The following NUP85 variants were observed in gnomAD, a reference collection of about 807,000 sequenced individuals.
The protein encoded by NUP85 is nuclear pore complex protein Nup85.
In NUP85, 23 loss-of-function variants were observed where a neutral mutation model predicts 92.8. That is an observed-to-expected ratio of 0.25 (90% CI 0.18 to 0.35). The LOEUF is 0.35. Ranked by LOEUF, NUP85 falls within the 10% of genes least tolerant of loss-of-function variation. NUP85 has a pLI of 1.00. For synonymous variants in NUP85, 314 were observed against 306.9 expected (o/e 1.02, Z -0.24); for missense variants, 759 against 822.8 (o/e 0.92, Z 0.95).
At chr17:75,234,976 A>G (rs1479365982) in intron 17 of NUP85, 124 bp from the exon 18 acceptor site, 2 of 1,029,946 alleles carry the variant, frequency 1.9e-6, no homozygotes, top group Non-Finnish European at 1.5e-6. Flanking sequence ...GAAATGAGGT[A>G]TTCGTATACA....
intron 4 of NUP85, 63 bp downstream of exon 4, chr17:75,212,125 T>C (rs1411607784): frequency 7.6e-6 from 9 of 1,187,736 alleles, no homozygotes; most frequent in Middle Eastern, 3.8e-4. Flanking sequence ...TTTTGAGTAT[T>C]TATCTATGCA....
At chr17:75,212,087 C>CGTGTGT (rs555503834) in intron 4 of NUP85, 25 bp downstream of exon 4, 9 of 1,203,308 alleles carry the variant, frequency 7.5e-6, no homozygotes, top group Middle Eastern at 1.9e-4. Flanking sequence ...CGCGTGCGCG[C>CGTGTGT]GTGTGTGTGT....
Position 75,226,080 on chromosome 17 carries a change from G to C in NUP85, c.1017G>C (p.Glu339Asp). 3 of 1,614,118 alleles carry C rather than the reference G, an allele frequency of 1.9e-6. No individual in the cohort carries two copies. Among genetic ancestry groups the C allele is most frequent in the Non-Finnish European group, 2.5e-6 (3 of 1,180,010 alleles). ...GCCTGGACCTGTTTCTGGGAGGTGA[G>C]AGCAGCCCAGAACCCCTGGACAACA... is the stretch of plus-strand genomic sequence containing the variant. ...QSSLDLFLGG[E>D]SSPEPLDNIL... The change falls in exon 11 of 19, where the codon GAG becomes GAC. Residue 339 changes from glutamate to aspartate, a missense_variant. By Grantham distance (45) the Glu-to-Asp change is conservative. Transcript: ENST00000245544.
At chr17:75,213,884 T>G (rs1177141555) in intron 5 of NUP85, among the ~76,000 whole-genome samples, 206 of 150,200 alleles carry the variant, frequency 1.4e-3, no homozygotes, top group Middle Eastern at 6.9e-3. Context: ...TTTTTTTTTT[T>G]TTTTTGAGAC....
chr17:75,226,122 T>C lies in NUP85; in HGVS notation c.1059T>C (p.Phe353=). 1 of 1,614,094 alleles carries C rather than the reference T, an allele frequency of 6.2e-7. No individual in the cohort carries two copies. The highest frequency in any genetic ancestry group is 8.5e-7 in the Non-Finnish European group (1 of 1,180,016). ...EPLDNILLAA[F]EFDIHQVIKE... is the part of the protein sequence containing the mutation. ...TGGACAACATCTTGTTGGCAGCCTTTGAGTTTGACATCCATCAAGTAATCA... is the reference window on the plus strand; with the variant it reads ...TGGACAACATCTTGTTGGCAGCCTTCGAGTTTGACATCCATCAAGTAATCA... Residue 353 remains phenylalanine (F), a synonymous_variant, in exon 11 of 19, where the codon TTT becomes TTC. Transcript: ENST00000245544.
chr17:75,212,340 G>T (rs1448449421), intron 4 of NUP85, among the ~76,000 whole-genome samples: 4 of 135,906 alleles, frequency 2.9e-5, no homozygotes, highest in African/African-American at 8.4e-5. Flanking sequence ...ATGAACTCAG[G>T]TCACTGCAAC....
chr17:75,206,315 T>A (rs375636876), intron 1 of NUP85, among the ~76,000 whole-genome samples: 10 of 152,136 alleles, frequency 6.6e-5, no homozygotes, highest in South Asian at 4.1e-4. Flanking sequence ...ATTCACGCGC[T>A]TTATGTACGA....
At chr17:75,213,237 C>T in intron 5 of NUP85, 118 bp downstream of exon 5, 1 of 820,036 alleles carries the variant, frequency 1.2e-6, no homozygotes, top group South Asian at 1.5e-5. Context: ...GGTAGATAGG[C>T]AGCTCCTTTG....
chr17:75,226,548 C>T (rs1025915040), intron 11 of NUP85, among the ~76,000 whole-genome samples: 2 of 152,062 alleles, frequency 1.3e-5, no homozygotes, highest in Non-Finnish European at 2.9e-5. Context: ...ACCTCCTGGC[C>T]TAATCACCTC....
chr17:75,217,581 C>T (rs2145307935), intron 6 of NUP85, among the ~76,000 whole-genome samples: 1 of 152,198 alleles, frequency 6.6e-6, no homozygotes, highest in East Asian at 1.9e-4. Flanking sequence ...GCGATCTTGG[C>T]TCACTGCAAC....
chr17:75,223,228 A>G (rs1320774835), intron 7 of NUP85, among the ~76,000 whole-genome samples: 1 of 152,150 alleles, frequency 6.6e-6, no homozygotes, highest in Non-Finnish European at 1.5e-5. Context: ...AGCCTTGTTT[A>G]GTGTGTGTCA....
rs1292205455 is a variant in NUP85, at chr17:75,225,298, A to C, written c.733-44A>C. ...GAGATGCGTGATTCACTAAATATAAAGGGTGTGGATGGGATGACGTCTCAT... is the reference window on the plus strand; with the variant it reads ...GAGATGCGTGATTCACTAAATATAACGGGTGTGGATGGGATGACGTCTCAT... On this transcript the variant is annotated intron_variant, in intron 8 of 18. Transcript: ENST00000245544. 3.1e-6 allele frequency: 5 copies of C among 1,612,764 alleles called. No individual in the cohort carries two copies. In the African/African-American group the frequency reaches 6.7e-5, roughly 22 times the overall value.
intron 1 of NUP85, among the ~76,000 whole-genome samples, chr17:75,207,953 G>T (rs942476550): frequency 1.3e-5 from 2 of 152,054 alleles, no homozygotes; most frequent in African/African-American, 4.8e-5. Context: ...TTGCGTCACT[G>T]CAGTCCAGCC....
intron 7 of NUP85, among the ~76,000 whole-genome samples, chr17:75,219,140 C>T (rs2075523040): frequency 6.6e-6 from 1 of 151,896 alleles, no homozygotes; most frequent in Non-Finnish European, 1.5e-5. Context: ...GTCAACTAAA[C>T]TTATAAAGCC....
intron 7 of NUP85, among the ~76,000 whole-genome samples, chr17:75,224,127 C>T (rs151061038): frequency 0.015 from 2,228 of 152,222 alleles, 46 homozygotes; most frequent in African/African-American, 0.05. Flanking sequence ...CTCACTGCAA[C>T]CTCCGCCGCC....
chr17:75,213,698 A>G (rs1271606463), intron 5 of NUP85, among the ~76,000 whole-genome samples: 1 of 151,790 alleles, frequency 6.6e-6, no homozygotes, highest in East Asian at 1.9e-4. Flanking sequence ...TCGGTCTCAT[A>G]AACACTCCTC....
In NUP85 at chr17:75,205,754, T is replaced by G. The variant is rs1212695218; in HGVS notation, c.-8T>G. ...CGAGCGACTTCTAGGAGCCTGGGGT[T>G]CGGCGCTATGGAGGAGCTCGATGGC... On this transcript the variant is annotated 5_prime_UTR_variant, in exon 1 of 19. Transcript: ENST00000245544. The G allele has an allele frequency of 1.2e-6, 2 of 1,614,056 alleles. No homozygotes were observed. Among genetic ancestry groups the G allele is most frequent in the East Asian group, 2.2e-5 (1 of 44,892 alleles).
intron 7 of NUP85, among the ~76,000 whole-genome samples, chr17:75,222,642 G>A (rs2075630586): frequency 6.6e-6 from 1 of 151,368 alleles, no homozygotes; most frequent in African/African-American, 2.4e-5. Context: ...GCAAGCCTCT[G>A]GTCATATTTT....
rs753666447 is a variant in NUP85, at chr17:75,231,868, G to A, written c.1285G>A (p.Glu429Lys). 5.6e-6 allele frequency: 9 copies of A among 1,614,010 alleles called. No homozygotes were observed. Among genetic ancestry groups the A allele is most frequent in the East Asian group, 2.2e-5 (1 of 44,890 alleles). The part of the protein sequence containing the change: ...LGVDYFDYCP[E>K]LGRVSLELHI... ...GGTCGATTACTTTGATTACTGCCCC[G>A]AGCTGGGCCGAGTCTCCCTGGAGCT... Residue 429 changes from glutamate to lysine, a missense_variant, in exon 14 of 19, where the codon GAG (glutamate) becomes AAG (lysine). Transcript: ENST00000245544. The surrounding 1 kb of genome is among the most constrained non-coding windows in gnomAD (Gnocchi z 4.6).
Sources: gnomAD v4.1 joint callset for allele counts (sites outside exome capture counted in the v4.1 genomes callset) on GRCh38, gnomAD v4.1.1 for gene constraint, Gnocchi (gnomAD v3.1) non-coding constraint, MANE v1.5 for transcripts, NCBI Gene and HGNC (gene_info 2026-07-23, HGNC 2026-07-21) for gene names.